Variants in SOX5 observed in about 807,000 individuals in gnomAD.
The protein encoded by SOX5 is SRY-box transcription factor 5.
Under a neutral mutation model 92.0 loss-of-function variants are expected in SOX5, and 9 were observed. The ratio of observed to expected loss-of-function variants is 0.10; its 90% CI spans 0.06 to 0.17. The LOEUF is 0.17. Ranked by LOEUF, SOX5 falls within the 10% of genes least tolerant of loss-of-function variation. SOX5 has a pLI of 1.00. For missense variants in SOX5, 642 were observed against 944.5 expected, an observed-to-expected ratio of 0.68 and a Z score of 4.20; for synonymous variants, 344 against 336.3, an observed-to-expected ratio of 1.02 and a Z score of -0.25.
At chr12:24,141,414 A>T (rs961299690) in intron 4 of SOX5, among the ~76,000 whole-genome samples, 6 of 152,218 alleles carry the variant, frequency 3.9e-5, no homozygotes, top group South Asian at 2.1e-4. Context: ...GGTTTTTCAC[A>T]GTTCAATATG....
chr12:23,800,828 T>C (rs1205720034), intron 3 of SOX5, among the ~76,000 whole-genome samples: 1 of 152,152 alleles, frequency 6.6e-6, no homozygotes, highest in Non-Finnish European at 1.5e-5. Flanking sequence ...ATATATAGCC[T>C]TTACCTGTTT....
intron 3 of SOX5, among the ~76,000 whole-genome samples, chr12:23,778,131 A>T (rs559168676): frequency 6.6e-6 from 1 of 152,346 alleles, no homozygotes; most frequent in East Asian, 1.9e-4. Flanking sequence ...TGTCCTTCCT[A>T]ACTTTACAAC....
chr12:23,690,526 T>C (rs1013493375), intron 6 of SOX5, among the ~76,000 whole-genome samples: 1 of 152,240 alleles, frequency 6.6e-6, no homozygotes, highest in Non-Finnish European at 1.5e-5. Flanking sequence ...TTTCCAATGT[T>C]GTAAATGGAA....
rs189946588 is a variant in SOX5, at chr12:24,265,966, T to A, written c.-77+11250A>T. ...CCCAAGTTGGAGTGCAGTGGCATGA[T>A]CATGGCTCACTGCAGTCTTGATCTC... On this transcript the variant is annotated intron_variant, in intron 3 of 4. Coordinates refer to the SOX5 transcript ENST00000446891. Among the ~76,000 whole-genome samples the A allele has an allele frequency of 5.3e-4, 81 of 152,082 alleles. No individual in the cohort carries two copies. The Middle Eastern group carries it at 0.01, about 19-fold the overall frequency.
At chr12:23,876,993 G>A (rs2096934470) in intron 2 of SOX5, among the ~76,000 whole-genome samples, 1 of 152,050 alleles carries the variant, frequency 6.6e-6, no homozygotes, top group Non-Finnish European at 1.5e-5. Flanking sequence ...GGGGCCTTTT[G>A]GGGGTCAGGG....
At chr12:24,350,995 T>C (rs1372560976) in intron 2 of SOX5, among the ~76,000 whole-genome samples, 1 of 151,916 alleles carries the variant, frequency 6.6e-6, no homozygotes, top group Admixed American at 6.6e-5. Flanking sequence ...GAGCTGGAGG[T>C]TGCAGTGAGC....
At chr12:24,313,379 T>G (rs1367033928) in intron 2 of SOX5, among the ~76,000 whole-genome samples, 2 of 151,828 alleles carry the variant, frequency 1.3e-5, no homozygotes, top group Non-Finnish European at 2.9e-5. Flanking sequence ...AAATAAAAAT[T>G]AAAAGCTGGG....
chr12:24,309,768 A>C (rs1948989177), intron 2 of SOX5, among the ~76,000 whole-genome samples: 1 of 152,182 alleles, frequency 6.6e-6, no homozygotes, highest in Non-Finnish European at 1.5e-5. Flanking sequence ...TGGAGATGCA[A>C]ACTGTAAAAA....
chr12:23,563,474 A>T (rs1051245783), intron 10 of SOX5, 71 bp from the exon 11 acceptor site: 1 of 1,442,870 alleles, frequency 6.9e-7, no homozygotes, highest in African/African-American at 1.4e-5. Flanking sequence ...AACCATAAAA[A>T]TCACTTTTCT....
At chr12:24,297,831 G>A (rs957233653) in intron 2 of SOX5, among the ~76,000 whole-genome samples, 1 of 152,128 alleles carries the variant, frequency 6.6e-6, no homozygotes, top group African/African-American at 2.4e-5. Flanking sequence ...CAGGAGTAAC[G>A]ATGTTTATCC....
At chr12:23,813,228 T>A (rs746054631) in intron 3 of SOX5, among the ~76,000 whole-genome samples, 1 of 152,152 alleles carries the variant, frequency 6.6e-6, no homozygotes, top group Non-Finnish European at 1.5e-5. Flanking sequence ...TTTATACAAC[T>A]CAGAGACTCA....
chr12:24,366,598 A>AT (rs1956194825), intron 2 of SOX5, among the ~76,000 whole-genome samples: 1 of 152,134 alleles, frequency 6.6e-6, no homozygotes, highest in African/African-American at 2.4e-5. Context: ...TGGATTTTTC[A>AT]TATGTTAGTA....
intron 4 of SOX5, among the ~76,000 whole-genome samples, chr12:24,196,836 G>A (rs1038707521): frequency 3.3e-5 from 5 of 152,132 alleles, no homozygotes; most frequent in Non-Finnish European, 5.9e-5. Context: ...CGGGGAGGTG[G>A]AGGTTGCAGT....
rs1053111491 is a variant in SOX5 at position 24,393,572 on chromosome 12, C to A, written c.-250-24933G>T. On this transcript the variant is annotated intron_variant, in intron 1 of 4. Coordinates refer to the SOX5 transcript ENST00000446891. The surrounding 1 kb of genome is among the most constrained non-coding windows in gnomAD (Gnocchi z 5.0). ...TTAGAAATTTACTGTGAAAAACTTA[C>A]AATAAAAACATTAAGTAACTAAGCA... Among the ~76,000 whole-genome samples the A allele has an allele frequency of 1.3e-5, 2 of 152,042 alleles. No homozygotes were observed. Among genetic ancestry groups the A allele is most frequent in the Non-Finnish European group, 2.9e-5 (2 of 68,012 alleles).
intron 2 of SOX5, among the ~76,000 whole-genome samples, chr12:24,289,900 C>A (rs1035552984): frequency 1.3e-5 from 2 of 152,172 alleles, no homozygotes; most frequent in African/African-American, 4.8e-5. Context: ...ATTATAAAAG[C>A]CTGGGGTTCC....
At chr12:23,887,899 A>G (rs2097086553) in intron 2 of SOX5, among the ~76,000 whole-genome samples, 1 of 136,990 alleles carries the variant, frequency 7.3e-6, no homozygotes, top group African/African-American at 2.7e-5. Context: ...AATTGATGGT[A>G]ATTGGTCCAG....
At chr12:24,329,318 T>C (rs940863001) in intron 2 of SOX5, among the ~76,000 whole-genome samples, 4 of 152,128 alleles carry the variant, frequency 2.6e-5, no homozygotes, top group East Asian at 3.9e-4. Flanking sequence ...CTTACAGTCA[T>C]GATGGAAGGG....
At chr12:23,951,006 C>T, upstream of SOX5, 1 of 734,944 alleles carries the variant, frequency 1.4e-6, no homozygotes, top group Non-Finnish European at 2.3e-6. Flanking sequence ...CACACACACT[C>T]ACTCACGCAC....
intron 10 of SOX5, among the ~76,000 whole-genome samples, chr12:23,573,424 T>C (rs560922625): frequency 4.1e-4 from 62 of 152,308 alleles, no homozygotes; most frequent in Non-Finnish European, 7.9e-4. Context: ...TGTTCTTTAA[T>C]TGTCCTGCAG....
Sources: gnomAD v4.1 joint callset for allele counts (sites outside exome capture counted in the v4.1 genomes callset) on GRCh38, gnomAD v4.1.1 for gene constraint, Gnocchi (gnomAD v3.1) non-coding constraint, MANE v1.5 for transcripts, NCBI Gene and HGNC (gene_info 2026-07-23, HGNC 2026-07-21) for gene names.